CEMIP2: variants seen among roughly 807,000 people sequenced by gnomAD.
CEMIP2 encodes cell migration inducing hyaluronidase 2.
A neutral mutation model predicts 146.9 loss-of-function variants in CEMIP2; 79 were observed. The observed-to-expected ratio is 0.54, with a 90% CI of 0.45 to 0.65. The LOEUF (loss-of-function observed/expected upper bound fraction) is 0.65, where lower values mean the gene tolerates loss of function less well. CEMIP2 is among the 30% of genes least tolerant of loss of function. The pLI, the probability that CEMIP2 is intolerant of heterozygous loss-of-function variation, is 0.00. For missense variants in CEMIP2, 1,596 were observed against 1,696.2 expected (o/e 0.94, Z 1.04); for synonymous variants, 601 against 606.3 (o/e 0.99, Z 0.13).
chr9:71,731,427 G>A (rs1823613233), intron 7 of CEMIP2, among the ~76,000 whole-genome samples: 1 of 152,134 alleles, frequency 6.6e-6, no homozygotes, highest in Admixed American at 6.5e-5. Flanking sequence ...GAATAGTACT[G>A]ATCGACATTT....
chr9:71,715,661 TA>T (rs1823036149), intron 14 of CEMIP2, among the ~76,000 whole-genome samples: 4 of 130,932 alleles, frequency 3.1e-5, no homozygotes, highest in Admixed American at 7.7e-5. Flanking sequence ...TTTTTTTTTT[TA>T]AAGAGACAGG....
At chr9:71,750,833 C>T (rs1448976035) in intron 1 of CEMIP2, among the ~76,000 whole-genome samples, 1 of 151,996 alleles carries the variant, frequency 6.6e-6, no homozygotes, top group East Asian at 1.9e-4. Flanking sequence ...TACAGTCTCG[C>T]ACTCCTGGGC....
chr9:71,732,112 T>C (rs1329673411), intron 7 of CEMIP2, among the ~76,000 whole-genome samples: 3 of 152,174 alleles, frequency 2.0e-5, no homozygotes, highest in Non-Finnish European at 4.4e-5. Context: ...TTCTTCCCAA[T>C]ATATTGATTT....
At chr9:71,756,506 T>TCTCTCTCTCA (rs1010879160) in intron 1 of CEMIP2, among the ~76,000 whole-genome samples, 1 of 112,496 alleles carries the variant, frequency 8.9e-6, no homozygotes, top group African/African-American at 3.4e-5. Flanking sequence ...TCTCTCTCTC[T>TCTCTCTCTCA]CACACACACA....
intron 4 of CEMIP2, among the ~76,000 whole-genome samples, chr9:71,743,049 A>G (rs1823968003): frequency 6.6e-6 from 1 of 152,190 alleles, no homozygotes; most frequent in Admixed American, 6.5e-5. Flanking sequence ...TGAGACCCCC[A>G]TCTCTATTTA....
rs1822026216 is a variant in CEMIP2 at position 71,685,401 on chromosome 9, A to AG, written c.3956-9_3956-8insC. ...CCAAAAATATGGTACTCCCTAAAAA[A>AG]AAAAAAAAAAAAGAAAAAGAAAAAA... On this transcript the variant is annotated splice_polypyrimidine_tract_variant and intron_variant, in intron 23 of 23. Coordinates refer to ENST00000377044, the MANE Select transcript of CEMIP2 (RefSeq NM_013390.3). The AG allele has an allele frequency of 6.7e-7, 1 of 1,499,222 alleles. No homozygotes were observed. Among genetic ancestry groups the AG allele is most frequent in the Admixed American group, 2.3e-5 (1 of 42,850 alleles). 92.9% of individuals were successfully genotyped at this position (1,499,222 alleles called of 1,614,324 possible).
Position 71,765,169 on chromosome 9 carries a change from A to G in CEMIP2, c.-13+3188T>C, listed in dbSNP as rs573123980. Among the ~76,000 whole-genome samples, 63 of 152,332 alleles carry G rather than the reference A, an allele frequency of 4.1e-4. No homozygotes were observed. The South Asian group carries it at 0.011, about 28-fold the overall frequency. ...AAGAGAGCAATACCATATGACAGTA[A>G]CTAGCTTAAAAGTCTAAAGACTTGC... On this transcript the variant is annotated intron_variant, in intron 1 of 23. Coordinates refer to ENST00000377044, the MANE Select transcript of CEMIP2 (RefSeq NM_013390.3).
At chr9:71,689,299 C>A (rs139961140) in intron 22 of CEMIP2, among the ~76,000 whole-genome samples, 41 of 152,290 alleles carry the variant, frequency 2.7e-4, no homozygotes, top group Admixed American at 2.2e-3. Context: ...GATTCTAAAG[C>A]TAGATAGGCC....
At chr9:71,706,229 C>CA (rs1296331600) in intron 17 of CEMIP2, among the ~76,000 whole-genome samples, 7 of 104,352 alleles carry the variant, frequency 6.7e-5, no homozygotes, top group African/African-American at 9.2e-5. Flanking sequence ...AACTCCATCT[C>CA]AAAAAAAAAG....
intron 19 of CEMIP2, 85 bp downstream of exon 19, chr9:71,700,557 A>C: frequency 2.8e-6 from 4 of 1,414,632 alleles, no homozygotes; most frequent in Non-Finnish European, 3.8e-6. Flanking sequence ...CTGCTTCACT[A>C]AACAGCCGCG....
At chr9:71,728,284 T>TAC (rs1823490216) in intron 10 of CEMIP2, among the ~76,000 whole-genome samples, 1 of 21,622 alleles carries the variant, frequency 4.6e-5, no homozygotes, top group East Asian at 4.6e-3. Context: ...TATATATGTA[T>TAC]ATATATATAT....
Position 71,750,192 on chromosome 9 carries a change from G to A in CEMIP2, c.182C>T (p.Ala61Val). ...GGCTTGCTGTTCTTCAGGTGAGAATGCGAAGGTTGCCCGGTCTTCTCGTCT... is the reference window on the plus strand; with the variant it reads ...GGCTTGCTGTTCTTCAGGTGAGAATACGAAGGTTGCCCGGTCTTCTCGTCT... ...SIRREDRATF[A>V]FSPEEQQAQR... The change falls in exon 2 of 24, where the codon GCA (alanine) becomes GTA (valine). Residue 61 changes from alanine to valine, a missense_variant. By Grantham distance (64) the Ala-to-Val change is moderately conservative. Transcript: ENST00000377044. 1 of 1,614,068 alleles carries A rather than the reference G, an allele frequency of 6.2e-7. No homozygotes were observed. The highest frequency in any genetic ancestry group is 8.5e-7 in the Non-Finnish European group (1 of 1,179,996).
chr9:71,716,431 A>C (rs974251276), intron 14 of CEMIP2, 86 bp downstream of exon 14: 5 of 1,134,044 alleles, frequency 4.4e-6, no homozygotes, highest in Non-Finnish European at 6.3e-6. Flanking sequence ...AAAAATAATA[A>C]AACATTCCTG....
chr9:71,715,220 C>T, intron 14 of CEMIP2, 131 bp from the exon 15 acceptor site: 1 of 644,656 alleles, frequency 1.6e-6, no homozygotes, highest in Non-Finnish European at 2.4e-6. Context: ...TACACATTCA[C>T]AAGTCTTCAG....
chr9:71,693,662 A>G (rs1822300385), intron 21 of CEMIP2, among the ~76,000 whole-genome samples: 1 of 152,270 alleles, frequency 6.6e-6, no homozygotes. Context: ...TTTAGGAGTT[A>G]TTTATACCTC....
At chr9:71,760,342 A>G (rs968128105) in intron 1 of CEMIP2, among the ~76,000 whole-genome samples, 3 of 152,246 alleles carry the variant, frequency 2.0e-5, no homozygotes, top group African/African-American at 7.2e-5. Context: ...TTAAAATATG[A>G]ATCCCTCAAA....
chr9:71,755,707 A>G (rs1211826621), intron 1 of CEMIP2, among the ~76,000 whole-genome samples: 1 of 151,970 alleles, frequency 6.6e-6, no homozygotes, highest in Non-Finnish European at 1.5e-5. Flanking sequence ...TTGTAATCCC[A>G]GCACTTTGAG....
chr9:71,730,632 T>C (rs1459779343), intron 8 of CEMIP2, 73 bp downstream of exon 8: 2 of 1,472,260 alleles, frequency 1.4e-6, no homozygotes, highest in Non-Finnish European at 1.9e-6. Context: ...ATATATAAAA[T>C]TGAGAAGACA....
At chr9:71,747,938 C>T (rs1189791053) in intron 2 of CEMIP2, among the ~76,000 whole-genome samples, 2 of 152,150 alleles carry the variant, frequency 1.3e-5, no homozygotes, top group Non-Finnish European at 2.9e-5. Context: ...ATGAGTATCA[C>T]TATTATACTA....
Sources: gnomAD v4.1 joint callset for allele counts (sites outside exome capture counted in the v4.1 genomes callset) on GRCh38, gnomAD v4.1.1 for gene constraint, MANE v1.5 for transcripts, NCBI Gene and HGNC (gene_info 2026-07-23, HGNC 2026-07-21) for gene names.